The following EPS15L1 variants were observed in gnomAD, a reference collection of about 807,000 sequenced individuals.
EPS15L1 encodes epidermal growth factor receptor substrate 15-like 1.
Under a neutral mutation model 117.1 loss-of-function variants are expected in EPS15L1, and 43 were observed. That is an observed-to-expected ratio of 0.37 (90% CI 0.29 to 0.47). The LOEUF is 0.47. Ranked by LOEUF, EPS15L1 falls within the 20% of genes least tolerant of loss-of-function variation. EPS15L1 has a pLI of 0.99. For synonymous variants in EPS15L1, 459 were observed against 470.5 expected (o/e 0.98, Z 0.32); for missense variants, 981 against 1,164.0 (o/e 0.84, Z 2.29).
At chr19:16,368,712 CCTAA>C (rs201762498) in intron 22 of EPS15L1, among the ~76,000 whole-genome samples, 1,720 of 152,166 alleles carry the variant, frequency 0.011, 8 homozygotes, top group Non-Finnish European at 0.015. Context: ...CAGACACCCA[CCTAA>C]CTGTCATTCA....
chr19:16,418,981 T>C (rs942502973), intron 10 of EPS15L1, among the ~76,000 whole-genome samples: 1 of 152,204 alleles, frequency 6.6e-6, no homozygotes, highest in African/African-American at 2.4e-5. Context: ...AACACTCCTC[T>C]TGTGCCCAAA....
intron 22 of EPS15L1, among the ~76,000 whole-genome samples, 176 bp downstream of exon 22, chr19:16,376,946 C>T (rs1568399207): frequency 6.6e-6 from 1 of 152,214 alleles, no homozygotes; most frequent in East Asian, 1.9e-4. Flanking sequence ...GAGGCACACA[C>T]CACGCACATA....
At chr19:16,465,986 ATTT>A (rs1210019369) in intron 1 of EPS15L1, among the ~76,000 whole-genome samples, 4 of 126,180 alleles carry the variant, frequency 3.2e-5, no homozygotes, top group Non-Finnish European at 3.4e-5. Context: ...CACTTTATCT[ATTT>A]TTTTTTTTTT....
chr19:16,361,502 G>C, intron 23 of EPS15L1: 3 of 953,238 alleles, frequency 3.1e-6, no homozygotes, highest in Middle Eastern at 4.4e-4. Flanking sequence ...ATAATACAAT[G>C]AATCTACCGT....
At chr19:16,467,718 G>A (rs890575240) in intron 1 of EPS15L1, among the ~76,000 whole-genome samples, 2 of 152,168 alleles carry the variant, frequency 1.3e-5, no homozygotes, top group Non-Finnish European at 2.9e-5. Flanking sequence ...AGGGACAAGA[G>A]GACAAGTAAG....
chr19:16,396,654 C>T (rs1437968099), intron 16 of EPS15L1, among the ~76,000 whole-genome samples: 3 of 151,956 alleles, frequency 2.0e-5, no homozygotes, highest in Admixed American at 6.5e-5. Flanking sequence ...AAATGTCCAT[C>T]GATGAATGAA....
chr19:16,446,527 A>G (rs2093084872), intron 1 of EPS15L1, among the ~76,000 whole-genome samples: 1 of 152,124 alleles, frequency 6.6e-6, no homozygotes, highest in Non-Finnish European at 1.5e-5. Context: ...CCTCCCGACA[A>G]CGCTAAAGGG....
intron 22 of EPS15L1, among the ~76,000 whole-genome samples, chr19:16,375,840 C>T (rs1439752494): frequency 6.6e-6 from 1 of 152,242 alleles, no homozygotes; most frequent in East Asian, 1.9e-4. Flanking sequence ...GAGAGAAGGC[C>T]ATGGCCAGCC....
chr19:16,457,996 T>A (rs2093213434), intron 1 of EPS15L1, among the ~76,000 whole-genome samples: 1 of 152,126 alleles, frequency 6.6e-6, no homozygotes, highest in South Asian at 2.1e-4. Context: ...ACCCCGGGCC[T>A]TCCCAACATT....
chr19:16,438,512 G>A lies in EPS15L1; in HGVS notation c.214-647C>T, dbSNP rs530011124. Among the ~76,000 whole-genome samples, 46 of 152,228 alleles carry A rather than the reference G, an allele frequency of 3.0e-4. 1 individual carries two copies. In the South Asian group the frequency reaches 6.0e-3, roughly 20 times the overall value. On this transcript the variant is annotated intron_variant, in intron 4 of 23. Coordinates refer to ENST00000455140, the MANE Select transcript of EPS15L1 (RefSeq NM_001258374.3). ...CAAAATTAAACATGGTTAAGGTTAC[G>A]AATGATGGACCAAATATGTGCCGAA...
intron 21 of EPS15L1, among the ~76,000 whole-genome samples, chr19:16,379,627 T>C (rs2092337751): frequency 6.6e-6 from 1 of 150,874 alleles, no homozygotes; most frequent in East Asian, 2.0e-4. Flanking sequence ...CTAGTCACAC[T>C]GACACGGCCA....
chr19:16,413,222 A>G, intron 13 of EPS15L1: 1 of 644,222 alleles, frequency 1.6e-6, no homozygotes, highest in East Asian at 2.9e-5. Context: ...AGATCAGCAA[A>G]CCCCACATTG....
At chr19:16,422,413 CCTTT>C (rs2092825056) in intron 9 of EPS15L1, among the ~76,000 whole-genome samples, 1 of 145,970 alleles carries the variant, frequency 6.9e-6, no homozygotes, top group Middle Eastern at 3.5e-3. Flanking sequence ...TTTCCTCTTC[CCTTT>C]TTTTTTAAAT....
intron 21 of EPS15L1, among the ~76,000 whole-genome samples, chr19:16,378,944 A>C (rs1397594902): frequency 1.3e-5 from 2 of 152,250 alleles, no homozygotes; most frequent in Admixed American, 6.5e-5. Context: ...CTAGGAAATT[A>C]TAGGACAAAG....
chr19:16,467,206 T>C (rs1368599078), intron 1 of EPS15L1, among the ~76,000 whole-genome samples: 2 of 151,112 alleles, frequency 1.3e-5, no homozygotes, highest in Non-Finnish European at 3.0e-5. Flanking sequence ...GAGTGTGCAG[T>C]GGAGTGATCT....
intron 13 of EPS15L1, among the ~76,000 whole-genome samples, chr19:16,407,156 C>CTA (rs2092664733): frequency 6.6e-6 from 1 of 152,212 alleles, no homozygotes; most frequent in Admixed American, 6.5e-5. Context: ...TGGACTAAGA[C>CTA]ACACATGCCA....
In EPS15L1 at chr19:16,402,322, A is replaced by G. The variant is rs779976858; in HGVS notation, c.1790T>C (p.Met597Thr). 7 of 1,606,398 alleles carry G rather than the reference A, an allele frequency of 4.4e-6. No individual in the cohort carries two copies. Among genetic ancestry groups the G allele is most frequent in the Non-Finnish European group, 5.9e-6 (7 of 1,177,026 alleles). The change falls in exon 16 of 24, where the codon ATG becomes ACG. Residue 597 changes from methionine to threonine, a missense_variant and splice_region_variant. This residue lies in a region of EPS15L1 where 819 missense variants were observed against 949.0 expected (regional missense o/e 0.86). Coordinates refer to ENST00000455140, the MANE Select transcript of EPS15L1 (RefSeq NM_001258374.3). Reference protein sequence around the residue: ...SLAERGSFGAMDDPFKNKALL... With the variant: ...SLAERGSFGATDDPFKNKALL... ...GTAATACGTTTATTCAACCTTTACC[A>G]TGGCTCCAAAACTGCCCCTCTCTGC... is the stretch of plus-strand genomic sequence containing the variant.
intron 1 of EPS15L1, among the ~76,000 whole-genome samples, chr19:16,460,133 T>C (rs775439361): frequency 3.9e-5 from 6 of 151,976 alleles, no homozygotes; most frequent in Admixed American, 2.0e-4. Flanking sequence ...ATCAGAAAAT[T>C]AGCTGGGCGT....
chr19:16,393,699 T>TA (rs1327632774), intron 18 of EPS15L1, among the ~76,000 whole-genome samples: 4 of 149,378 alleles, frequency 2.7e-5, no homozygotes, highest in African/African-American at 9.8e-5. Flanking sequence ...ATAAAATAAA[T>TA]AAATAAATTA....
Sources: allele counts gnomAD v4.1 joint callset (sites outside exome capture counted in the v4.1 genomes callset), GRCh38; gene constraint gnomAD v4.1.1; regional missense constraint gnomAD v4.1.1; transcripts MANE v1.5; gene names NCBI Gene and HGNC (gene_info 2026-07-23, HGNC 2026-07-21).